SLX4: variants seen among roughly 807,000 people sequenced by gnomAD.
SLX4 encodes structure-specific endonuclease subunit SLX4.
A neutral mutation model predicts 146.2 loss-of-function variants in SLX4; 112 were observed. That is an observed-to-expected ratio of 0.77 (90% CI 0.66 to 0.90). The LOEUF is 0.90. SLX4 is among the 40% of genes least tolerant of loss of function. The pLI, the probability that SLX4 is intolerant of heterozygous loss-of-function variation, is 0.00. For missense variants in SLX4, 2,563 were observed against 2,392.7 expected, an observed-to-expected ratio of 1.07 and a Z score of -1.49; for synonymous variants, 1,061 against 997.7, an observed-to-expected ratio of 1.06 and a Z score of -1.20.
At chr16:3,606,746 TAA>T (rs1179641036) in intron 2 of SLX4, 48 bp from the exon 3 acceptor site, 4 of 1,599,938 alleles carry the variant, frequency 2.5e-6, no homozygotes, top group Non-Finnish European at 3.4e-6. Flanking sequence ...GCTGGAGAAA[TAA>T]AAGACTTTTC....
chr16:3,589,041 C>T lies in SLX4; in HGVS notation c.4597G>A (p.Ala1533Thr), dbSNP rs200377191. 12 of 1,614,052 alleles carry T rather than the reference C, an allele frequency of 7.4e-6. No homozygotes were observed. The highest frequency in any genetic ancestry group is 6.7e-5 in the East Asian group (3 of 44,894). Residue 1533 changes from alanine (A) to threonine (T), a missense_variant, in exon 12 of 15, where the codon GCT becomes ACT. Transcript: ENST00000294008. The surrounding 1 kb of genome is among the most constrained non-coding windows in gnomAD (Gnocchi z 6.2). ...CCTTCGGGCTTCTGAGCTCCACCAG[C>T]GCTTGGCATCTGGGCCGGAGGAGGG... ...ETPPPAQMPSAGGAQKPEGLE... is the reference protein window; with the variant it reads ...ETPPPAQMPSTGGAQKPEGLE...
At chr16:3,602,079 C>T (rs759986419) in intron 4 of SLX4, 39 bp downstream of exon 4, 2 of 1,613,464 alleles carry the variant, frequency 1.2e-6, no homozygotes, top group Non-Finnish European at 8.5e-7. Flanking sequence ...GGATTCTGGT[C>T]ACATACACGG....
At chr16:3,605,279 T>G (rs191456770) in intron 3 of SLX4, among the ~76,000 whole-genome samples, 44 of 152,166 alleles carry the variant, frequency 2.9e-4, no homozygotes, top group Non-Finnish European at 5.9e-4. Flanking sequence ...TTCATAGAGA[T>G]GGGGTTTCAC....
intron 5 of SLX4, chr16:3,600,532 C>T (rs146241108): frequency 1.4e-5 from 3 of 212,566 alleles, no homozygotes; most frequent in Admixed American, 5.4e-5. Flanking sequence ...GATTTCCGCC[C>T]TAAGTGTTTC....
intron 3 of SLX4, among the ~76,000 whole-genome samples, chr16:3,603,961 G>A (rs1374376840): frequency 6.6e-6 from 1 of 152,154 alleles, no homozygotes; most frequent in East Asian, 1.9e-4. Context: ...TGGGTGTGGT[G>A]GTTCACACCT....
At position 3,582,476 on chromosome 16, in the gene SLX4, G is replaced by A. The variant is rs371875095; in HGVS notation, c.5371C>T (p.Arg1791Cys). The change falls in exon 15 of 15, where the codon CGT (arginine) becomes TGT (cysteine). Residue 1791 changes from arginine to cysteine, a missense_variant. Transcript: ENST00000294008. Reference protein sequence around the residue: ...LQAELRQNGLRVSSRRLLDFL... With the variant: ...LQAELRQNGLCVSSRRLLDFL... ...TCCAACAGCCTGCGCGAGGACACAC[G>A]GAGGCCGTTCTGCCTCAGCTCTGCC... 21 of 1,614,016 alleles carry A rather than the reference G, an allele frequency of 1.3e-5. No individual in the cohort carries two copies. Among genetic ancestry groups the A allele is most frequent in the African/African-American group, 5.3e-5 (4 of 75,060 alleles).
chr16:3,605,946 CAA>C (rs1181232820), intron 3 of SLX4, among the ~76,000 whole-genome samples: 2 of 27,012 alleles, frequency 7.4e-5, no homozygotes, highest in African/African-American at 1.5e-4. Flanking sequence ...GACTCCATCT[CAA>C]AAAAAAAAAA....
chr16:3,594,349 G>C lies in SLX4; in HGVS notation c.2160+104C>G, dbSNP rs2040626370. The C allele has an allele frequency of 2.7e-6, 4 of 1,461,908 alleles. No individual in the cohort carries two copies. In the Admixed American group the frequency reaches 7.9e-5, roughly 29 times the overall value. 90.6% of individuals were successfully genotyped at this position (1,461,908 alleles called of 1,614,324 possible). Reference sequence around the variant, plus strand: ...GGGGCAGGAAGTGAGGGAGAGTGGGGGGGTGGAAAGGGCACCTGAGACATG... The same window carrying C: ...GGGGCAGGAAGTGAGGGAGAGTGGGCGGGTGGAAAGGGCACCTGAGACATG... On this transcript the variant is annotated intron_variant, in intron 10 of 14. Coordinates refer to ENST00000294008, the MANE Select transcript of SLX4 (RefSeq NM_032444.4).
chr16:3,605,464 C>A (rs914604815), intron 3 of SLX4, among the ~76,000 whole-genome samples: 2 of 152,056 alleles, frequency 1.3e-5, no homozygotes, highest in African/African-American at 4.8e-5. Context: ...CTCAAGTAGT[C>A]CTCCTGCCTT....
chr16:3,608,319 C>A, intron 2 of SLX4, 111 bp downstream of exon 2: 3 of 1,109,216 alleles, frequency 2.7e-6, no homozygotes, highest in Non-Finnish European at 4.1e-6. Context: ...ACTATGACAG[C>A]AGAGTTGAGT....
chr16:3,604,498 A>G (rs1168535311), intron 3 of SLX4, among the ~76,000 whole-genome samples: 2 of 152,286 alleles, frequency 1.3e-5, no homozygotes, highest in Non-Finnish European at 2.9e-5. Context: ...CCTAATGTCT[A>G]TAATTTACCT....
In SLX4 at chr16:3,608,491, T is replaced by C; in HGVS notation, c.474A>G (p.Gln158=). Residue 158 remains glutamine, a synonymous_variant, in exon 2 of 15, where the codon CAA becomes CAG. Transcript: ENST00000294008. The stretch of plus-strand genomic sequence containing the variant: ...CTTGCTGGTTACCCGTCTGGGTGTT[T>C]TGTGCTGTTTCCCGGAGCACAGGTG... ...PDPPVLRETA[Q]NTQTGNQQEP... 2 of 1,614,216 alleles carry C rather than the reference T, an allele frequency of 1.2e-6. No individual in the cohort carries two copies. Among genetic ancestry groups the C allele is most frequent in the Non-Finnish European group, 1.7e-6 (2 of 1,180,034 alleles).
In SLX4 at chr16:3,602,379, C is replaced by G. The variant is rs987289470; in HGVS notation, c.761-72G>C. ...GCTCACCCTCAGACCTCTGCTCTGT[C>G]AGCTCCTGCAGACCATGGGGAGCAG... is the stretch of plus-strand genomic sequence containing the variant. On this transcript the variant is annotated intron_variant, in intron 3 of 14. Transcript: ENST00000294008. The G allele has an allele frequency of 3.2e-6, 5 of 1,555,624 alleles. No homozygotes were observed. The African/African-American group carries it at 6.8e-5, about 21-fold the overall frequency.
At position 3,581,464 on chromosome 16, in the gene SLX4, G is replaced by T. The variant is rs546194478; in HGVS notation, c.*878C>A. 6.5e-6 allele frequency: 1 copy of T among 153,056 alleles called. No homozygotes were observed. Among genetic ancestry groups the T allele is most frequent in the East Asian group, 1.9e-4 (1 of 5,222 alleles). 9.5% of individuals were successfully genotyped at this position (153,056 alleles called of 1,614,324 possible). A position where few individuals can be genotyped will look rare whatever the true frequency, so the allele number is the denominator to read the frequency against. ...ACAATGACAAGTGTCCGGGTAGCACGGCTGGGTCAGGAGAACTGCATCTGG... is the reference window on the plus strand; with the variant it reads ...ACAATGACAAGTGTCCGGGTAGCACTGCTGGGTCAGGAGAACTGCATCTGG... On this transcript the variant is annotated 3_prime_UTR_variant, in exon 15 of 15. Coordinates refer to ENST00000294008, the MANE Select transcript of SLX4 (RefSeq NM_032444.4).
In SLX4 at chr16:3,594,408, A is replaced by G. The variant is rs192085750; in HGVS notation, c.2160+45T>C. 1,171 of 1,587,102 alleles carry G rather than the reference A, an allele frequency of 7.4e-4. 10 individuals are homozygous for G. In the African/African-American group the frequency reaches 0.012, roughly 17 times the overall value. ...TGGTTGGAGAAAGGCAGGAGGAGAG[A>G]GGGAGAGAGAGGAAAGGAGGGCACA... On this transcript the variant is annotated intron_variant, in intron 10 of 14. Transcript: ENST00000294008.
chr16:3,581,878 A>C lies in SLX4; in HGVS notation c.*464T>G, dbSNP rs886252086. On this transcript the variant is annotated 3_prime_UTR_variant, in exon 15 of 15. Transcript: ENST00000294008. ...AGCAACATGGTGAAACCCCGTTTCT[A>C]CTAAAATATAAAAAATCAGCTGGGC... 8 of 197,374 alleles carry C rather than the reference A, an allele frequency of 4.1e-5. No homozygotes were observed. Among genetic ancestry groups the C allele is most frequent in the African/African-American group, 1.9e-4 (8 of 42,572 alleles). The allele number at this position is 197,374 out of a possible 1,614,324, so 12.2% of individuals were successfully genotyped here.
At position 3,600,992 on chromosome 16, in the gene SLX4, G is replaced by T. The variant is rs778504083; in HGVS notation, c.1150C>A (p.Pro384Thr). ...QTAQPEGSSS[P>T]PMFSFSDHSR... ...TCGTCGACTTACCTGAACATGGGTG[G>T]GCTGCTGCTACCCTCAGGCTGTGCT... Residue 384 changes from proline (P) to threonine (T), a missense_variant, in exon 5 of 15, where the codon CCA becomes ACA. By Grantham distance (38) the Pro-to-Thr change is conservative (BLOSUM62 -1). Coordinates refer to ENST00000294008, the MANE Select transcript of SLX4 (RefSeq NM_032444.4). The T allele has an allele frequency of 2.7e-5, 44 of 1,613,564 alleles. No homozygotes were observed. Among genetic ancestry groups the T allele is most frequent in the Non-Finnish European group, 3.6e-5 (43 of 1,180,004 alleles).
At chr16:3,585,239 C>CATCAGTTT (rs1285276968) in intron 12 of SLX4, among the ~76,000 whole-genome samples, 1 of 152,170 alleles carries the variant, frequency 6.6e-6, no homozygotes, top group East Asian at 1.9e-4. Context: ...CAGGCTTAGA[C>CATCAGTTT]ATCAGTTTTG....
In SLX4 at chr16:3,601,159, G is replaced by A. The variant is rs760336082; in HGVS notation, c.983C>T (p.Pro328Leu). 14 of 1,613,972 alleles carry A rather than the reference G, an allele frequency of 8.7e-6. No homozygotes were observed. The Admixed American group carries it at 2.2e-4, about 25-fold the overall frequency. Residue 328 changes from proline to leucine, a missense_variant, in exon 5 of 15, where the codon CCT becomes CTT. By Grantham distance (98) the Pro-to-Leu change is moderately conservative (BLOSUM62 -3). Coordinates refer to ENST00000294008, the MANE Select transcript of SLX4 (RefSeq NM_032444.4). ...GCACTCAGGGATCTGAGGCACAGAA[G>A]GTCTTAGTGTCTTTTCAGCTTCATC... ...CLDEAEKTLR[P>L]SVPQIPECPI...
Sources: gnomAD v4.1 joint callset for allele counts (sites outside exome capture counted in the v4.1 genomes callset) on GRCh38, gnomAD v4.1.1 for gene constraint, Gnocchi (gnomAD v3.1) non-coding constraint, MANE v1.5 for transcripts, NCBI Gene and HGNC (gene_info 2026-07-23, HGNC 2026-07-21) for gene names.